TMTC2: variants seen among roughly 807,000 people sequenced by gnomAD.
TMTC2 encodes protein O-mannosyl-transferase TMTC2.
In TMTC2, 43 loss-of-function variants were observed where a neutral mutation model predicts 82.4. The observed-to-expected ratio is 0.52, with a 90% CI of 0.41 to 0.67. The LOEUF is 0.67. TMTC2 is among the 30% of genes least tolerant of loss of function. TMTC2 has a pLI of 0.00. For synonymous variants in TMTC2, 408 were observed against 381.9 expected, an observed-to-expected ratio of 1.07 and a Z score of -0.80; for missense variants, 919 against 1,012.4, an observed-to-expected ratio of 0.91 and a Z score of 1.25.
intron 1 of TMTC2, among the ~76,000 whole-genome samples, chr12:82,763,444 C>T (rs923680558): frequency 6.6e-6 from 1 of 152,186 alleles, no homozygotes; most frequent in Admixed American, 6.5e-5. Context: ...AAACCAACCA[C>T]CCCAGTGATT....
intron 1 of TMTC2, among the ~76,000 whole-genome samples, chr12:82,790,991 CAT>C (rs1878443477): frequency 2.0e-5 from 3 of 152,028 alleles, no homozygotes; most frequent in Non-Finnish European, 2.9e-5. Flanking sequence ...TGAGTGAGCT[CAT>C]CCATATGACC....
At chr12:82,942,287 T>C (rs1876764904) in intron 4 of TMTC2, among the ~76,000 whole-genome samples, 1 of 152,112 alleles carries the variant, frequency 6.6e-6, no homozygotes, top group South Asian at 2.1e-4. Flanking sequence ...AAATAGTAAA[T>C]AGTGAAGTAT....
intron 1 of TMTC2, chr12:82,760,488 T>TTTC (rs1555183024): frequency 6.7e-6 from 1 of 148,234 alleles, no homozygotes; most frequent in African/African-American, 2.5e-5. Flanking sequence ...TTTTTTTTTT[T>TTTC]CTCGAAAGCT....
intron 1 of TMTC2, among the ~76,000 whole-genome samples, chr12:82,752,007 A>G (rs780165633): frequency 1.1e-4 from 17 of 152,048 alleles, no homozygotes; most frequent in Non-Finnish European, 2.4e-4. Flanking sequence ...AAACGCATTG[A>G]CATTTTTATA....
chr12:82,994,641 A>G (rs1226848812), intron 8 of TMTC2, among the ~76,000 whole-genome samples: 1 of 152,106 alleles, frequency 6.6e-6, no homozygotes, highest in Non-Finnish European at 1.5e-5. Flanking sequence ...AAAAAAAAAA[A>G]AAAAGGCAGT....
chr12:83,046,156 A>G (rs1307893463), intron 9 of TMTC2, among the ~76,000 whole-genome samples: 1 of 152,118 alleles, frequency 6.6e-6, no homozygotes, highest in Admixed American at 6.6e-5. Flanking sequence ...CTCAGGAGGC[A>G]AGAACTGAGG....
At position 82,749,432 on chromosome 12, in the gene TMTC2, G is replaced by A. The variant is rs76566424; in HGVS notation, c.83+61763G>A. Among the ~76,000 whole-genome samples, 1,365 of 152,168 alleles carry A rather than the reference G, an allele frequency of 9.0e-3. 23 individuals carry two copies. Among genetic ancestry groups the A allele is most frequent in the African/African-American group, 0.031 (1,289 of 41,502 alleles). ...AGCAAACAATTTTTTTACTTGCTTG[G>A]TGTCTCTCACCTGAGTTTAAAAATC... is the stretch of plus-strand genomic sequence containing the variant. On this transcript the variant is annotated intron_variant, in intron 1 of 11. Transcript: ENST00000321196.
intron 4 of TMTC2, among the ~76,000 whole-genome samples, chr12:82,960,040 A>G (rs750595396): frequency 6.6e-6 from 1 of 152,164 alleles, no homozygotes; most frequent in Non-Finnish European, 1.5e-5. Flanking sequence ...AAAAGAAGAC[A>G]TGAAAGCTGC....
rs545607804 is a variant in TMTC2 at position 82,990,459 on chromosome 12, C to G, written c.2070+4413C>G. Among the ~76,000 whole-genome samples the G allele has an allele frequency of 4.6e-5, 7 of 152,116 alleles. No individual in the cohort carries two copies. In the East Asian group the frequency reaches 1.4e-3, roughly 29 times the overall value. On this transcript the variant is annotated intron_variant, in intron 8 of 11. Coordinates refer to ENST00000321196, the MANE Select transcript of TMTC2 (RefSeq NM_152588.3). ...TTTGGCACATTTTATAGATCAAATC[C>G]TCTTTTATTTTTCTGCCAAAAATGT...
At chr12:82,773,934 C>T (rs909139050) in intron 1 of TMTC2, among the ~76,000 whole-genome samples, 1 of 152,060 alleles carries the variant, frequency 6.6e-6, no homozygotes, top group Non-Finnish European at 1.5e-5. Flanking sequence ...AATAATCCCT[C>T]ATTGTGGTAT....
At chr12:82,740,695 G>A (rs2136952764) in intron 1 of TMTC2, among the ~76,000 whole-genome samples, 1 of 152,174 alleles carries the variant, frequency 6.6e-6, no homozygotes, top group South Asian at 2.1e-4. Context: ...TTTTTTGGTT[G>A]TCTGTGCCAC....
chr12:82,768,736 A>G (rs1190580282), intron 1 of TMTC2, among the ~76,000 whole-genome samples: 2 of 151,938 alleles, frequency 1.3e-5, no homozygotes, highest in Non-Finnish European at 2.9e-5. Context: ...CTACAGTTGT[A>G]TACTTATTGG....
intron 3 of TMTC2, among the ~76,000 whole-genome samples, chr12:82,911,536 T>C (rs1874657506): frequency 6.6e-6 from 1 of 152,218 alleles, no homozygotes; most frequent in Non-Finnish European, 1.5e-5. Flanking sequence ...TGATCAAACA[T>C]ATTAGACGTT....
At chr12:83,089,963 A>G (rs572592954) in intron 11 of TMTC2, among the ~76,000 whole-genome samples, 1 of 152,136 alleles carries the variant, frequency 6.6e-6, no homozygotes, top group Non-Finnish European at 1.5e-5. Context: ...GCAGGAGCTT[A>G]TGGGCTCCAA....
intron 10 of TMTC2, among the ~76,000 whole-genome samples, chr12:83,053,974 C>G (rs1882444890): frequency 6.6e-6 from 1 of 152,032 alleles, no homozygotes. Context: ...TAGGATTGCA[C>G]TTTCCTGCCT....
chr12:82,938,111 G>T (rs138600945), intron 4 of TMTC2, among the ~76,000 whole-genome samples: 1 of 150,916 alleles, frequency 6.6e-6, no homozygotes, highest in Non-Finnish European at 1.5e-5. Flanking sequence ...ACGGGGTTTC[G>T]CCATGTTGGC....
intron 2 of TMTC2, among the ~76,000 whole-genome samples, chr12:82,863,771 C>CTA (rs1476196410): frequency 6.6e-6 from 1 of 152,050 alleles, no homozygotes; most frequent in East Asian, 1.9e-4. Flanking sequence ...GTGCCAAGCG[C>CTA]TATAGTAGGC....
At chr12:82,883,464 A>G (rs1249930627) in intron 2 of TMTC2, among the ~76,000 whole-genome samples, 1 of 152,164 alleles carries the variant, frequency 6.6e-6, no homozygotes, top group Non-Finnish European at 1.5e-5. Context: ...CACTCATTAA[A>G]TAGCTGTCTA....
At chr12:82,968,036 T>TA (rs1265950136) in intron 7 of TMTC2, among the ~76,000 whole-genome samples, 2 of 152,106 alleles carry the variant, frequency 1.3e-5, no homozygotes, top group African/African-American at 2.4e-5. Context: ...TTCTCTTTTT[T>TA]ACAAAGGACA....
Sources: gnomAD v4.1 joint callset for allele counts (sites outside exome capture counted in the v4.1 genomes callset) on GRCh38, gnomAD v4.1.1 for gene constraint, MANE v1.5 for transcripts, NCBI Gene and HGNC (gene_info 2026-07-23, HGNC 2026-07-21) for gene names.